Variants in RGS18 observed in about 807,000 individuals in gnomAD.
RGS18 encodes the protein regulator of G protein signaling 18.
A neutral mutation model predicts 27.6 loss-of-function variants in RGS18; 22 were observed. That is an observed-to-expected ratio of 0.80 (90% CI 0.57 to 1.14). The LOEUF (loss-of-function observed/expected upper bound fraction) is 1.14. Among genes scored for constraint, RGS18 ranks in the 50% most tolerant of loss-of-function variants. The pLI, the probability that RGS18 is intolerant of heterozygous loss-of-function variation, is 0.00. For missense variants in RGS18, 299 were observed against 269.6 expected, an observed-to-expected ratio of 1.11 and a Z score of -0.76; for synonymous variants, 89 against 84.6, an observed-to-expected ratio of 1.05 and a Z score of -0.29.
intron 3 of RGS18, 141 bp downstream of exon 3, chr1:192,160,580 CTAAG>C (rs906684003): frequency 4.1e-5 from 22 of 532,270 alleles, no homozygotes; most frequent in Middle Eastern, 3.3e-4. Flanking sequence ...ATCAACAGAA[CTAAG>C]TAATAGAAAA....
chr1:192,158,892 A>G, intron 1 of RGS18, 136 bp downstream of exon 1: 2 of 663,796 alleles, frequency 3.0e-6, no homozygotes, highest in Non-Finnish European at 2.6e-6. Context: ...AAAAAAAAAC[A>G]CCTTTTTATT....
chr1:192,172,677 G>A (rs562035461), intron 3 of RGS18, among the ~76,000 whole-genome samples: 18 of 151,542 alleles, frequency 1.2e-4, no homozygotes, highest in African/African-American at 4.4e-4. Flanking sequence ...CTACTCTTCT[G>A]CCTCTTCTAC....
intron 3 of RGS18, among the ~76,000 whole-genome samples, chr1:192,171,755 T>C (rs1656260304): frequency 6.6e-6 from 1 of 152,032 alleles, no homozygotes; most frequent in African/African-American, 2.4e-5. Context: ...AAAGATTGCT[T>C]ACAACATTAA....
chr1:192,174,004 G>GT lies in RGS18; in HGVS notation c.284-7280dup, dbSNP rs534619473. On this transcript the variant is annotated intron_variant, in intron 3 of 4. Coordinates refer to ENST00000367460, the MANE Select transcript of RGS18 (RefSeq NM_130782.3). Reference sequence around the variant, plus strand: ...AGATCTTAATTTTTATACCCTTCCTGTTTTTTTTCTTTCTTTTTTTTTACT... The same window carrying GT: ...AGATCTTAATTTTTATACCCTTCCTGTTTTTTTTTCTTTCTTTTTTTTTACT... Among the ~76,000 whole-genome samples, 56 of 149,448 alleles carry GT rather than the reference G, an allele frequency of 3.7e-4. 2 individuals carry two copies. In the South Asian group the frequency reaches 0.011, roughly 30 times the overall value.
intron 3 of RGS18, among the ~76,000 whole-genome samples, chr1:192,177,894 A>G (rs1656384204): frequency 6.6e-6 from 1 of 151,726 alleles, no homozygotes; most frequent in Non-Finnish European, 1.5e-5. Flanking sequence ...TAAACGGTGA[A>G]GAATCATAAT....
At chr1:192,173,642 C>A (rs1656308378) in intron 3 of RGS18, among the ~76,000 whole-genome samples, 1 of 151,792 alleles carries the variant, frequency 6.6e-6, no homozygotes, top group Non-Finnish European at 1.5e-5. Context: ...ACCAGATCTT[C>A]CACTTCTTCA....
chr1:192,170,104 T>C (rs1656229784), intron 3 of RGS18, among the ~76,000 whole-genome samples: 1 of 152,178 alleles, frequency 6.6e-6, no homozygotes, highest in African/African-American at 2.4e-5. Flanking sequence ...GGCCAGTTGG[T>C]GCATAGATTA....
At position 192,165,974 on chromosome 1, in the gene RGS18, G is replaced by T. The variant is rs550420006; in HGVS notation, c.283+5535G>T. Among the ~76,000 whole-genome samples, 111 of 152,206 alleles carry T rather than the reference G, an allele frequency of 7.3e-4. 1 individual carries two copies. Among genetic ancestry groups the T allele is most frequent in the African/African-American group, 2.5e-3 (103 of 41,546 alleles). ...TAAAAAGTAGTAATAAATCAAAAAT[G>T]AAATATCAAACTATATCTGTCATTC... On this transcript the variant is annotated intron_variant, in intron 3 of 4. Transcript: ENST00000367460.
In RGS18 at chr1:192,158,763, T is replaced by C. The variant is rs760090098; in HGVS notation, c.119+7T>C. On this transcript the variant is annotated splice_region_variant and intron_variant, in intron 1 of 4. Coordinates refer to ENST00000367460, the MANE Select transcript of RGS18 (RefSeq NM_130782.3). Reference sequence around the variant, plus strand: ...GCAAAGAAGCCAAAATCAGGTAAAATTGTACAATTTTAAGTCAGCCTTATA... The same window carrying C: ...GCAAAGAAGCCAAAATCAGGTAAAACTGTACAATTTTAAGTCAGCCTTATA... 3.3e-6 allele frequency: 5 copies of C among 1,522,160 alleles called. No homozygotes were observed. The highest frequency in any genetic ancestry group is 4.5e-6 in the Non-Finnish European group (5 of 1,123,128). The allele number at this position is 1,522,160 out of a possible 1,614,324, so 94.3% of individuals were successfully genotyped here.
intron 3 of RGS18, among the ~76,000 whole-genome samples, chr1:192,178,356 C>A (rs887838042): frequency 6.6e-6 from 1 of 151,482 alleles, no homozygotes; most frequent in Non-Finnish European, 1.5e-5. Flanking sequence ...AGGAAAAAGG[C>A]TTGAGATAAG....
chr1:192,181,443 T>C lies in RGS18; in HGVS notation c.435T>C (p.Thr145=). 6.4e-7 allele frequency: 1 copy of C among 1,558,142 alleles called. No individual in the cohort carries two copies. The highest frequency in any genetic ancestry group is 1.3e-5 in the South Asian group (1 of 78,428). ...CAATATATGAGAAATTTATACAGAC[T>C]GATGCCCCAAAAGAGGTACAGTAAA... ...AKAIYEKFIQ[T]DAPKEVNLDF... is the part of the protein sequence containing the mutation. Residue 145 remains threonine, a synonymous_variant, in exon 4 of 5, where the codon ACT becomes ACC. Transcript: ENST00000367460.
chr1:192,184,703 A>T lies in RGS18; in HGVS notation c.*149A>T. 1.4e-6 allele frequency: 1 copy of T among 692,064 alleles called. No individual in the cohort carries two copies. The highest frequency in any genetic ancestry group is 2.4e-6 in the Non-Finnish European group (1 of 417,148). The allele number at this position is 692,064 out of a possible 1,614,324, so 42.9% of individuals were successfully genotyped here. ...AATGTAAAAACAAAACTTTCTGCTAACAAAATACATACAGTATCTGCCAGT... is the reference window on the plus strand; with the variant it reads ...AATGTAAAAACAAAACTTTCTGCTATCAAAATACATACAGTATCTGCCAGT... On this transcript the variant is annotated 3_prime_UTR_variant, in exon 5 of 5. Transcript: ENST00000367460.
intron 3 of RGS18, 140 bp from the exon 4 acceptor site, chr1:192,181,152 G>A (rs563056962): frequency 5.9e-5 from 29 of 488,598 alleles, no homozygotes; most frequent in Middle Eastern, 5.6e-4. Context: ...GGTATATTGT[G>A]CAAGATGTGT....
intron 3 of RGS18, among the ~76,000 whole-genome samples, chr1:192,161,856 T>A (rs1220308568): frequency 1.3e-5 from 2 of 152,184 alleles, no homozygotes; most frequent in Non-Finnish European, 2.9e-5. Flanking sequence ...TTCTGACATA[T>A]TTTTGTTTTG....
At chr1:192,163,023 A>G (rs538627445) in intron 3 of RGS18, among the ~76,000 whole-genome samples, 1 of 152,308 alleles carries the variant, frequency 6.6e-6, no homozygotes, top group South Asian at 2.1e-4. Flanking sequence ...GTGAAATTCG[A>G]GTTTTAGTTT....
At chr1:192,162,897 A>G (rs1005041015) in intron 3 of RGS18, among the ~76,000 whole-genome samples, 1 of 152,194 alleles carries the variant, frequency 6.6e-6, no homozygotes, top group Non-Finnish European at 1.5e-5. Context: ...TCTTTATAAT[A>G]TAAGTATTTA....
At chr1:192,159,484 A>C (rs893241718) in intron 2 of RGS18, among the ~76,000 whole-genome samples, 163 bp downstream of exon 2, 1 of 152,346 alleles carries the variant, frequency 6.6e-6, no homozygotes, top group Middle Eastern at 3.4e-3. Flanking sequence ...ATAAAATTAA[A>C]TCACTTGAAT....
chr1:192,162,747 TC>T, intron 3 of RGS18, among the ~76,000 whole-genome samples: 1 of 152,234 alleles, frequency 6.6e-6, no homozygotes, highest in East Asian at 1.9e-4. Context: ...ATAATTCATG[TC>T]CCCCAAATGT....
At chr1:192,168,046 A>G (rs1477479678) in intron 3 of RGS18, 1 of 152,236 alleles carries the variant, frequency 6.6e-6, no homozygotes, top group African/African-American at 2.4e-5. Context: ...ACATTGAGCC[A>G]GCTTCTTCCA....
Sources: allele counts gnomAD v4.1 joint callset (sites outside exome capture counted in the v4.1 genomes callset), GRCh38; gene constraint gnomAD v4.1.1; transcripts MANE v1.5; gene names NCBI Gene and HGNC (gene_info 2026-07-23, HGNC 2026-07-21).